Variants in ATXN7L1 observed in about 807,000 individuals in gnomAD.
ATXN7L1 encodes ataxin 7 like 1.
ATXN7L1 carries 15 observed loss-of-function variants against 70.8 expected under a neutral mutation model. The observed-to-expected ratio is 0.21, with a 90% CI of 0.14 to 0.33. The LOEUF (loss-of-function observed/expected upper bound fraction) is 0.33. Among genes scored for constraint, ATXN7L1 ranks in the 10% least tolerant of loss-of-function variants. The pLI is 1.00. For missense variants in ATXN7L1, 975 were observed against 1,097.1 expected, an observed-to-expected ratio of 0.89 and a Z score of 1.57; for synonymous variants, 440 against 445.1, an observed-to-expected ratio of 0.99 and a Z score of 0.14.
In ATXN7L1 at chr7:105,761,274, T is replaced by C. The variant is rs1395087740; in HGVS notation, c.355+27330A>G. 2.2e-5 allele frequency: 35 copies of C among 1,573,482 alleles called. No individual in the cohort carries two copies. The East Asian group carries it at 3.4e-4, about 15-fold the overall frequency. On this transcript the variant is annotated intron_variant, in intron 3 of 11. Transcript: ENST00000419735. ...GCAGTGAATGGAAGCTTGTCCACAC[T>C]TCAGGGCTCTGCTGGAGTCTCCTCT...
chr7:105,806,964 A>C (rs190634897), intron 2 of ATXN7L1, among the ~76,000 whole-genome samples: 1 of 152,236 alleles, frequency 6.6e-6, no homozygotes, highest in Non-Finnish European at 1.5e-5. Context: ...ATATGTGAAC[A>C]GGGCTTTAGT....
At chr7:105,656,691 C>T (rs1800701732) in intron 4 of ATXN7L1, among the ~76,000 whole-genome samples, 1 of 151,670 alleles carries the variant, frequency 6.6e-6, no homozygotes, top group African/African-American at 2.4e-5. Context: ...TTGCCTCAGC[C>T]TCCCAAGTAG....
chr7:105,607,725 G>C lies in ATXN7L1; in HGVS notation c.*127C>G, dbSNP rs915186911. The C allele has an allele frequency of 1.4e-6, 1 of 715,164 alleles. No homozygotes were observed. The highest frequency in any genetic ancestry group is 1.8e-5 in the African/African-American group (1 of 55,616). 44.3% of individuals were successfully genotyped at this position (715,164 alleles called of 1,614,324 possible). A position where few individuals can be genotyped will look rare whatever the true frequency, so the allele number is the denominator to read the frequency against. ...ATTAAAAAAAGAAGAAGAAAGGCCA[G>C]AGTCACAGGGAGTGCACAGAAAACA... On this transcript the variant is annotated 3_prime_UTR_variant, in exon 12 of 12. Coordinates refer to ENST00000419735, the MANE Select transcript of ATXN7L1 (RefSeq NM_020725.2).
At chr7:105,731,785 AAAGAAAAG>A (rs1796596318) in intron 3 of ATXN7L1, among the ~76,000 whole-genome samples, 2 of 143,832 alleles carry the variant, frequency 1.4e-5, no homozygotes, top group Non-Finnish European at 3.1e-5. Flanking sequence ...AAAGAAAAGA[AAAGAAAAG>A]AAAAGAAAAG....
chr7:105,655,895 G>A (rs372282064), intron 4 of ATXN7L1, among the ~76,000 whole-genome samples: 1 of 152,246 alleles, frequency 6.6e-6, no homozygotes. Context: ...CATGCACAGG[G>A]AGGCCAGGGA....
chr7:105,662,055 C>G (rs202056918), intron 4 of ATXN7L1, among the ~76,000 whole-genome samples: 2 of 84,220 alleles, frequency 2.4e-5, no homozygotes, highest in Non-Finnish European at 5.3e-5. Flanking sequence ...TCCTTCCTTC[C>G]TTCCTTCCTT....
At chr7:105,745,200 A>G (rs1048292498) in intron 3 of ATXN7L1, among the ~76,000 whole-genome samples, 7 of 152,142 alleles carry the variant, frequency 4.6e-5, no homozygotes, top group Non-Finnish European at 1.0e-4. Context: ...CAGTTTTGCA[A>G]CTTACTCTCA....
chr7:105,611,730 A>G (rs141858899), intron 10 of ATXN7L1, among the ~76,000 whole-genome samples: 76 of 152,334 alleles, frequency 5.0e-4, no homozygotes, highest in African/African-American at 1.7e-3. Context: ...TTCTGGCCTT[A>G]TATCAACCAG....
At chr7:105,812,312 A>G (rs756280667) in intron 2 of ATXN7L1, among the ~76,000 whole-genome samples, 3 of 152,242 alleles carry the variant, frequency 2.0e-5, no homozygotes, top group Non-Finnish European at 2.9e-5. Context: ...ACGAAAACAT[A>G]TGAACTTTAA....
intron 7 of ATXN7L1, among the ~76,000 whole-genome samples, chr7:105,627,897 T>C (rs1184906839): frequency 7.5e-5 from 10 of 133,194 alleles, no homozygotes; most frequent in Non-Finnish European, 1.4e-4. Context: ...CAGGCTGGAG[T>C]GCAGTGGCAC....
At chr7:105,803,272 A>AC (rs1285117428) in intron 2 of ATXN7L1, among the ~76,000 whole-genome samples, 1 of 152,336 alleles carries the variant, frequency 6.6e-6, no homozygotes, top group East Asian at 1.9e-4. Flanking sequence ...ATGCATCCAC[A>AC]CCACAGGGCT....
At chr7:105,616,974 C>T (rs1793990913) in intron 9 of ATXN7L1, among the ~76,000 whole-genome samples, 1 of 152,066 alleles carries the variant, frequency 6.6e-6, no homozygotes, top group Non-Finnish European at 1.5e-5. Context: ...TTACAAATAC[C>T]AGATGGCTCA....
intron 2 of ATXN7L1, among the ~76,000 whole-genome samples, chr7:105,795,025 C>G (rs1289681453): frequency 6.6e-6 from 1 of 152,222 alleles, no homozygotes; most frequent in South Asian, 2.1e-4. Context: ...TGGCACTCAG[C>G]CTGCTTCCCA....
In ATXN7L1 at chr7:105,687,284, T is replaced by C. The variant is rs116982096; in HGVS notation, c.356-21996A>G. ...CTGAGGCAGGACCAGGCTTGGCAGA[T>C]TGGTGTTATGGGTTAAATTTCTCCA... is the stretch of plus-strand genomic sequence containing the variant. On this transcript the variant is annotated intron_variant, in intron 3 of 11. Coordinates refer to ENST00000419735, the MANE Select transcript of ATXN7L1 (RefSeq NM_020725.2). 8.3e-4 allele frequency among the ~76,000 whole-genome samples: 127 copies of C among 152,242 alleles called. 5 individuals carry two copies. In the East Asian group the frequency reaches 0.017, roughly 21 times the overall value.
At chr7:105,640,087 T>C (rs940428572) in intron 5 of ATXN7L1, among the ~76,000 whole-genome samples, 1 of 152,014 alleles carries the variant, frequency 6.6e-6, no homozygotes, top group Non-Finnish European at 1.5e-5. Flanking sequence ...CTCCTTGACA[T>C]GTCAGAGTGA....
At chr7:105,852,150 G>A (rs1814977364) in intron 2 of ATXN7L1, among the ~76,000 whole-genome samples, 1 of 152,064 alleles carries the variant, frequency 6.6e-6, no homozygotes, top group African/African-American at 2.4e-5. Context: ...GCTTGCCCCT[G>A]CCTCTCTCTA....
intron 2 of ATXN7L1, among the ~76,000 whole-genome samples, chr7:105,849,727 A>T (rs1038927509): frequency 6.6e-6 from 1 of 152,188 alleles, no homozygotes; most frequent in Non-Finnish European, 1.5e-5. Flanking sequence ...CAGGCCCCTG[A>T]ATGACAATGG....
intron 3 of ATXN7L1, among the ~76,000 whole-genome samples, chr7:105,762,594 T>A (rs1215581983): frequency 6.6e-6 from 1 of 152,134 alleles, no homozygotes; most frequent in Non-Finnish European, 1.5e-5. Flanking sequence ...ATCAGGTGCA[T>A]CCCTATGGCC....
At chr7:105,854,775 G>C (rs763461396) in intron 2 of ATXN7L1, among the ~76,000 whole-genome samples, 1 of 151,214 alleles carries the variant, frequency 6.6e-6, no homozygotes, top group Admixed American at 6.6e-5. Context: ...GCTTGTAAAG[G>C]CTCACAAGAG....
Sources: gnomAD v4.1 joint callset for allele counts (sites outside exome capture counted in the v4.1 genomes callset) on GRCh38, gnomAD v4.1.1 for gene constraint, MANE v1.5 for transcripts, NCBI Gene and HGNC (gene_info 2026-07-23, HGNC 2026-07-21) for gene names.